Variants in FAM53A observed in about 807,000 individuals in gnomAD.
FAM53A encodes the protein family with sequence similarity 53 member A, also known as protein FAM53A.
FAM53A carries 28 observed loss-of-function variants against 26.6 expected under a neutral mutation model. That is an observed-to-expected ratio of 1.05 (90% CI 0.78 to 1.45). The LOEUF (loss-of-function observed/expected upper bound fraction) is 1.45. Among genes scored for constraint, FAM53A ranks in the 40% most tolerant of loss-of-function variants. The probability of loss-of-function intolerance (pLI) is 0.00; values close to 1 mark genes in which losing one functional copy is unlikely to be tolerated. For missense variants in FAM53A, 650 were observed against 575.8 expected, an observed-to-expected ratio of 1.13 and a Z score of -1.32; for synonymous variants, 290 against 253.1, an observed-to-expected ratio of 1.15 and a Z score of -1.38.
At chr4:1,584,661 G>C in the FAM53A span, among the ~76,000 whole-genome samples, 1 of 152,228 alleles carries the variant, frequency 6.6e-6, no homozygotes, top group Admixed American at 6.5e-5. Flanking sequence ...GAGGCTGGCT[G>C]TCAGCTGGGA....
rs113097902 is a variant in FAM53A at position 1,629,774 on chromosome 4, C to G, written c.432-11663G>C. ...GAGGCAGGAGGATCGTTTGAGTCTC[C>G]GAAGGCAGTTAGTCCCGGAAGCAGC... On this transcript the variant is annotated intron_variant, in intron 1 of 1. Coordinates refer to the FAM53A transcript ENST00000489029. Among the ~76,000 whole-genome samples, 1,198 of 152,276 alleles carry G rather than the reference C, an allele frequency of 7.9e-3. 14 individuals are homozygous for G. The highest frequency in any genetic ancestry group is 0.027 in the African/African-American group (1,134 of 41,546).
At chr4:1,653,828 G>A (rs533594605) in intron 4 of FAM53A, among the ~76,000 whole-genome samples, 8 of 152,336 alleles carry the variant, frequency 5.3e-5, no homozygotes, top group South Asian at 2.1e-4. Context: ...CACCTGGCAC[G>A]CCGGCCACAC....
At chr4:1,685,757 ACAGT>A (rs1715778630), upstream of FAM53A, among the ~76,000 whole-genome samples, 2 of 152,084 alleles carry the variant, frequency 1.3e-5, no homozygotes, top group South Asian at 4.1e-4. Context: ...CCCACCTGCA[ACAGT>A]CAGGCTGTGC....
chr4:1,648,309 G>C (rs1391563197), intron 4 of FAM53A, among the ~76,000 whole-genome samples: 1 of 152,228 alleles, frequency 6.6e-6, no homozygotes, highest in African/African-American at 2.4e-5. Context: ...GTGCAGGCAG[G>C]GGTAGGTGGG....
chr4:1,599,959 C>T, the FAM53A span, among the ~76,000 whole-genome samples: 17 of 152,096 alleles, frequency 1.1e-4, no homozygotes, highest in Non-Finnish European at 1.8e-4. The surrounding 1 kb of genome is among the most constrained non-coding windows in gnomAD (Gnocchi z 6.1). Context: ...CCTCCTCTCC[C>T]TCTCCCTTCC....
chr4:1,645,365 CA>C (rs1712147398), intron 4 of FAM53A, among the ~76,000 whole-genome samples: 1 of 152,226 alleles, frequency 6.6e-6, no homozygotes, highest in Non-Finnish European at 1.5e-5. Flanking sequence ...AGCGCCCTCC[CA>C]ACCCTGCAGA....
At position 1,662,055 on chromosome 4, in the gene FAM53A, G is replaced by T. The variant is rs1713872642; in HGVS notation, c.76-4587C>A. On this transcript the variant is annotated intron_variant, in intron 2 of 4. Transcript: ENST00000308132. The stretch of plus-strand genomic sequence containing the variant: ...CATAAAGAACTCTTACTGGCCAGGT[G>T]TCATGGCTCACACCTGTAATCCCTG... Among the ~76,000 whole-genome samples the T allele has an allele frequency of 2.0e-5, 3 of 152,120 alleles. No homozygotes were observed. In the South Asian group the frequency reaches 6.2e-4, roughly 31 times the overall value.
intron 4 of FAM53A, among the ~76,000 whole-genome samples, chr4:1,652,705 GAACA>G (rs1712967686): frequency 8.8e-6 from 1 of 113,102 alleles, no homozygotes; most frequent in African/African-American, 3.5e-5. Flanking sequence ...ACCACACACA[GAACA>G]CACACCACAC....
intron 4 of FAM53A, among the ~76,000 whole-genome samples, chr4:1,648,480 T>C (rs1040807244): frequency 6.6e-6 from 1 of 152,170 alleles, no homozygotes; most frequent in Non-Finnish European, 1.5e-5. Flanking sequence ...CACTGTCCTC[T>C]GCAGCCGCGG....
At chr4:1,595,788 T>A in the FAM53A span, among the ~76,000 whole-genome samples, 1 of 152,184 alleles carries the variant, frequency 6.6e-6, no homozygotes, top group Non-Finnish European at 1.5e-5. Context: ...CTCTGATGTG[T>A]TGAGAGGCCT....
At chr4:1,593,016 G>A in the FAM53A span, among the ~76,000 whole-genome samples, 407 of 152,304 alleles carry the variant, frequency 2.7e-3, no homozygotes, top group African/African-American at 9.4e-3. Flanking sequence ...GCCCAGCTGG[G>A]TCACTTTCTC....
At chr4:1,649,404 T>A (rs1712550716) in intron 4 of FAM53A, among the ~76,000 whole-genome samples, 1 of 152,194 alleles carries the variant, frequency 6.6e-6, no homozygotes, top group South Asian at 2.1e-4. Flanking sequence ...ACAAGCACCG[T>A]TTCTGACCGA....
At chr4:1,654,501 G>T (rs1044505957) in intron 4 of FAM53A, among the ~76,000 whole-genome samples, 1 of 152,264 alleles carries the variant, frequency 6.6e-6, no homozygotes, top group Non-Finnish European at 1.5e-5. Context: ...AAGCGCACAG[G>T]CGCTGCTGGG....
At chr4:1,650,469 T>C (rs1196642756) in intron 4 of FAM53A, among the ~76,000 whole-genome samples, 1 of 151,842 alleles carries the variant, frequency 6.6e-6, no homozygotes, top group Non-Finnish European at 1.5e-5. Context: ...GCGTGGTGGT[T>C]TTTGGTTTTG....
In FAM53A at chr4:1,655,085, G is replaced by T. The variant is rs149604195; in HGVS notation, c.775C>A (p.Arg259Ser). 1.1e-4 allele frequency: 178 copies of T among 1,601,838 alleles called. No homozygotes were observed. The highest frequency in any genetic ancestry group is 1.3e-4 in the Non-Finnish European group (157 of 1,174,218). ...LGGRRGLLRC[R>S]SQPCVLSGKR... ...CCACTGAGCACGCAAGGCTGTGAGC[G>T]GCACCGGAGCAGCCCACGGCGCCCG... The change falls in exon 4 of 5, where the codon CGC (arginine) becomes AGC (serine). Residue 259 changes from arginine to serine, a missense_variant. By Grantham distance (110) the Arg-to-Ser change is moderately radical. Transcript: ENST00000308132.
intron 1 of FAM53A, among the ~76,000 whole-genome samples, chr4:1,675,369 TC>T (rs1417427365): frequency 6.6e-6 from 1 of 151,814 alleles, no homozygotes; most frequent in African/African-American, 2.4e-5. Context: ...CGCCGGCCCC[TC>T]CAAACAGGAA....
chr4:1,624,997 TCA>T (rs1715219848), intron 1 of FAM53A, among the ~76,000 whole-genome samples: 1 of 126,178 alleles, frequency 7.9e-6, no homozygotes, highest in African/African-American at 3.3e-5. Context: ...CACCAGGTGA[TCA>T]GAAGGCCCCA....
the FAM53A span, among the ~76,000 whole-genome samples, chr4:1,576,244 C>T: frequency 4.9e-4 from 75 of 152,292 alleles, no homozygotes; most frequent in African/African-American, 1.7e-3. Context: ...CTCTTTGTGC[C>T]GGGGTAATAT....
intron 1 of FAM53A, among the ~76,000 whole-genome samples, chr4:1,620,420 G>A (rs193232976): frequency 5.9e-5 from 9 of 151,906 alleles, no homozygotes; most frequent in African/African-American, 1.2e-4. Context: ...TTCCACAGAG[G>A]GGGGATTCTC....
Sources: allele counts gnomAD v4.1 joint callset (sites outside exome capture counted in the v4.1 genomes callset), GRCh38; gene constraint gnomAD v4.1.1; non-coding constraint Gnocchi (gnomAD v3.1); transcripts MANE v1.5; gene names NCBI Gene and HGNC (gene_info 2026-07-23, HGNC 2026-07-21).